The following ERBB4 variants were observed in gnomAD, a reference collection of about 807,000 sequenced individuals.
ERBB4 encodes the protein receptor tyrosine-protein kinase erbB-4.
In ERBB4, 42 loss-of-function variants were observed where a neutral mutation model predicts 158.0. The observed-to-expected ratio is 0.27, with a 90% CI of 0.21 to 0.34. The LOEUF (loss-of-function observed/expected upper bound fraction) is 0.34, where lower values mean the gene tolerates loss of function less well. Among genes scored for constraint, ERBB4 ranks in the 10% least tolerant of loss-of-function variants. The pLI is 1.00. For synonymous variants in ERBB4, 583 were observed against 558.7 expected (o/e 1.04, Z -0.61); for missense variants, 1,333 against 1,624.1 (o/e 0.82, Z 3.08).
At position 212,098,092 on chromosome 2, in the gene ERBB4, A is replaced by G. The variant is rs556972225; in HGVS notation, c.234+26660T>C. Among the ~76,000 whole-genome samples, 8 of 152,350 alleles carry G rather than the reference A, an allele frequency of 5.3e-5. No individual in the cohort carries two copies. The East Asian group carries it at 1.2e-3, about 22-fold the overall frequency. ...ATTTTAGAAGACTCATAGACAATAA[A>G]GAAAACAAAGTGCTGATACTGATAC... is the stretch of plus-strand genomic sequence containing the variant. On this transcript the variant is annotated intron_variant, in intron 2 of 27. Coordinates refer to ENST00000342788, the MANE Select transcript of ERBB4 (RefSeq NM_005235.3).
At chr2:211,660,266 C>G (rs1353402492) in intron 15 of ERBB4, among the ~76,000 whole-genome samples, 1 of 152,212 alleles carries the variant, frequency 6.6e-6, no homozygotes, top group Non-Finnish European at 1.5e-5. Context: ...TACTAGTCAG[C>G]TGGCAGCCAG....
intron 1 of ERBB4, among the ~76,000 whole-genome samples, chr2:212,161,817 A>G (rs950793757): frequency 6.6e-6 from 1 of 151,854 alleles, no homozygotes; most frequent in Non-Finnish European, 1.5e-5. Context: ...AAGAAGTGTA[A>G]CGTGGTGATA....
chr2:212,389,735 T>G (rs528229855), intron 1 of ERBB4, among the ~76,000 whole-genome samples: 2 of 152,142 alleles, frequency 1.3e-5, no homozygotes, highest in South Asian at 4.1e-4. Context: ...ATATATTGTG[T>G]ACTTGGCATT....
chr2:211,430,859 T>G, intron 21 of ERBB4, 86 bp downstream of exon 21: 1 of 1,172,932 alleles, frequency 8.5e-7, no homozygotes, highest in Non-Finnish European at 1.3e-6. Flanking sequence ...AGCTTCAGGC[T>G]TATTGGTTTC....
At chr2:211,736,224 G>C (rs1457442161) in intron 5 of ERBB4, among the ~76,000 whole-genome samples, 1 of 151,490 alleles carries the variant, frequency 6.6e-6, no homozygotes, top group Non-Finnish European at 1.5e-5. Context: ...ATGCACCTTT[G>C]TAGTGTTTTT....
chr2:212,371,995 G>A (rs1213154640), intron 1 of ERBB4, among the ~76,000 whole-genome samples: 1 of 152,094 alleles, frequency 6.6e-6, no homozygotes, highest in Non-Finnish European at 1.5e-5. Flanking sequence ...TTAAATTTGT[G>A]TAAAAATATG....
chr2:211,966,495 C>A (rs1222870991), intron 2 of ERBB4, among the ~76,000 whole-genome samples: 1 of 152,112 alleles, frequency 6.6e-6, no homozygotes, highest in African/African-American at 2.4e-5. Context: ...CTGCCTTGGC[C>A]TCCCAAAGGG....
intron 2 of ERBB4, among the ~76,000 whole-genome samples, chr2:211,987,341 A>AAAAAAAAGAAAG (rs1215048952): frequency 8.0e-6 from 1 of 124,416 alleles, no homozygotes; most frequent in Non-Finnish European, 1.6e-5. Flanking sequence ...AAAAAAAAAA[A>AAAAAAAAGAAAG]AAAGAAAGAA....
At chr2:211,404,306 G>A (rs908874318) in intron 25 of ERBB4, among the ~76,000 whole-genome samples, 1 of 151,980 alleles carries the variant, frequency 6.6e-6, no homozygotes, top group African/African-American at 2.4e-5. Flanking sequence ...CGCCTTTGGT[G>A]ATCCTTAGAT....
chr2:212,375,667 G>A (rs1415736581), intron 1 of ERBB4, among the ~76,000 whole-genome samples: 2 of 151,968 alleles, frequency 1.3e-5, no homozygotes, highest in Non-Finnish European at 2.9e-5. Flanking sequence ...AAAAAGCTAT[G>A]GATGTATTTC....
chr2:212,247,744 G>A (rs893453241), intron 1 of ERBB4, among the ~76,000 whole-genome samples: 4 of 152,218 alleles, frequency 2.6e-5, no homozygotes, highest in Non-Finnish European at 4.4e-5. Context: ...CAGACAGATC[G>A]CTTGAGGTCA....
At chr2:211,694,620 A>G (rs2106007664) in intron 12 of ERBB4, among the ~76,000 whole-genome samples, 1 of 152,168 alleles carries the variant, frequency 6.6e-6, no homozygotes, top group East Asian at 1.9e-4. Context: ...TTTAAAAGGA[A>G]AATCTTAGAA....
intron 4 of ERBB4, among the ~76,000 whole-genome samples, chr2:211,775,106 A>G (rs1223198301): frequency 6.6e-6 from 1 of 152,194 alleles, no homozygotes; most frequent in Admixed American, 6.5e-5. Flanking sequence ...AATTAAACTT[A>G]CAGGGGAATT....
At chr2:211,499,659 T>C (rs923224897) in intron 20 of ERBB4, among the ~76,000 whole-genome samples, 5 of 152,102 alleles carry the variant, frequency 3.3e-5, no homozygotes, top group African/African-American at 1.2e-4. Context: ...AACAATATAT[T>C]TGGACTTTGA....
chr2:212,141,994 T>A (rs1389712736), intron 1 of ERBB4, among the ~76,000 whole-genome samples: 2 of 152,160 alleles, frequency 1.3e-5, no homozygotes. Flanking sequence ...ACTTAGACCA[T>A]CTATCTGCTA....
intron 1 of ERBB4, among the ~76,000 whole-genome samples, chr2:212,238,854 T>C (rs79901431): frequency 2.6e-5 from 4 of 152,050 alleles, no homozygotes; most frequent in African/African-American, 7.2e-5. Context: ...ATGTCAAATA[T>C]AATGGCTTAA....
intron 1 of ERBB4, among the ~76,000 whole-genome samples, chr2:212,322,828 T>C (rs1373417334): frequency 6.6e-6 from 1 of 150,462 alleles, no homozygotes; most frequent in East Asian, 1.9e-4. Context: ...AAGCATTCGG[T>C]ACAAACATTT....
At chr2:212,252,701 T>C (rs1257484215) in intron 1 of ERBB4, among the ~76,000 whole-genome samples, 1 of 152,068 alleles carries the variant, frequency 6.6e-6, no homozygotes. Flanking sequence ...TTTATGCTGA[T>C]GATCATAGAG....
chr2:212,369,081 C>T (rs200303450), intron 1 of ERBB4, among the ~76,000 whole-genome samples: 1 of 152,126 alleles, frequency 6.6e-6, no homozygotes. Flanking sequence ...CAAAAAGTGG[C>T]AAGCCACAAA....
Sources: gnomAD v4.1 joint callset for allele counts (sites outside exome capture counted in the v4.1 genomes callset) on GRCh38, gnomAD v4.1.1 for gene constraint, MANE v1.5 for transcripts, NCBI Gene and HGNC (gene_info 2026-07-23, HGNC 2026-07-21) for gene names.